The following PHACTR3 variants were observed in gnomAD, a reference collection of about 807,000 sequenced individuals.
The protein encoded by PHACTR3 is phosphatase and actin regulator 3, also known as protein phosphatase 1, regulatory subunit 123.
A neutral mutation model predicts 66.8 loss-of-function variants in PHACTR3; 16 were observed. The ratio of observed to expected loss-of-function variants is 0.24; its 90% CI spans 0.16 to 0.36. PHACTR3 has a LOEUF of 0.36. PHACTR3 is among the 10% of genes least tolerant of loss of function. The probability of loss-of-function intolerance (pLI) is 1.00; values close to 1 mark genes in which losing one functional copy is unlikely to be tolerated. For missense variants in PHACTR3, 647 were observed against 719.9 expected, an observed-to-expected ratio of 0.90 and a Z score of 1.16; for synonymous variants, 323 against 292.1, an observed-to-expected ratio of 1.11 and a Z score of -1.08.
intron 1 of PHACTR3, among the ~76,000 whole-genome samples, chr20:59,664,056 AT>A (rs1487712898): frequency 2.0e-5 from 3 of 152,184 alleles, no homozygotes; most frequent in Non-Finnish European, 4.4e-5. Context: ...CTAAACACTT[AT>A]GAGAGAAAAG....
At chr20:59,703,156 A>G (rs1445212118) in intron 1 of PHACTR3, among the ~76,000 whole-genome samples, 1 of 152,188 alleles carries the variant, frequency 6.6e-6, no homozygotes, top group African/African-American at 2.4e-5. Flanking sequence ...ATTTGCCGAC[A>G]TAATTCCCAT....
intron 1 of PHACTR3, among the ~76,000 whole-genome samples, chr20:59,662,721 G>A (rs1293971609): frequency 6.6e-6 from 1 of 152,112 alleles, no homozygotes; most frequent in South Asian, 2.1e-4. Context: ...TACAGGGCAC[G>A]GTGGCCGTTT....
intron 1 of PHACTR3, among the ~76,000 whole-genome samples, chr20:59,660,293 G>A (rs1247394927): frequency 6.6e-6 from 1 of 152,230 alleles, no homozygotes; most frequent in East Asian, 1.9e-4. Context: ...AGAAGATCGA[G>A]ATCATCCTGG....
At chr20:59,652,539 CAG>C (rs1186216850) in intron 1 of PHACTR3, among the ~76,000 whole-genome samples, 1 of 152,160 alleles carries the variant, frequency 6.6e-6, no homozygotes, top group Non-Finnish European at 1.5e-5. Context: ...GCCTGGGCAA[CAG>C]AGTGAGACCT....
chr20:59,808,428 G>A (rs1447310308), intron 8 of PHACTR3, among the ~76,000 whole-genome samples: 4 of 152,204 alleles, frequency 2.6e-5, no homozygotes, highest in East Asian at 3.9e-4. Context: ...CAGGTGCACC[G>A]TCCCAGGAGC....
At chr20:59,579,529 G>A (rs954837796) in intron 1 of PHACTR3, among the ~76,000 whole-genome samples, 3 of 152,358 alleles carry the variant, frequency 2.0e-5, no homozygotes, top group Non-Finnish European at 4.4e-5. Context: ...GGGACTGGAG[G>A]GAGCTGAGTT....
intron 9 of PHACTR3, among the ~76,000 whole-genome samples, chr20:59,838,170 T>A (rs1045363353): frequency 6.6e-6 from 1 of 152,216 alleles, no homozygotes; most frequent in African/African-American, 2.4e-5. Flanking sequence ...TCTAGTGTCC[T>A]GAGTGGAAGG....
chr20:59,684,906 G>A (rs997213934), intron 1 of PHACTR3, among the ~76,000 whole-genome samples: 20 of 152,156 alleles, frequency 1.3e-4, no homozygotes, highest in African/African-American at 4.8e-4. Context: ...ATGTCCCACG[G>A]CTCAGCATGT....
intron 1 of PHACTR3, among the ~76,000 whole-genome samples, chr20:59,608,804 G>T (rs6123918): frequency 0.1 from 15,437 of 152,166 alleles, 1,036 homozygotes; most frequent in East Asian, 0.32. Flanking sequence ...CCCACCCCAG[G>T]GAACTCTGAT....
intron 1 of PHACTR3, among the ~76,000 whole-genome samples, chr20:59,669,239 T>C (rs2036107123): frequency 6.6e-6 from 1 of 151,874 alleles, no homozygotes; most frequent in African/African-American, 2.4e-5. Context: ...CGGTGTGGAG[T>C]AGGGAGGGTT....
At chr20:59,832,879 G>C (rs1464918608) in intron 8 of PHACTR3, among the ~76,000 whole-genome samples, 1 of 152,208 alleles carries the variant, frequency 6.6e-6, no homozygotes, top group African/African-American at 2.4e-5. Flanking sequence ...GCAGATTAGA[G>C]CCTAGTCTGA....
intron 12 of PHACTR3, among the ~76,000 whole-genome samples, chr20:59,846,665 TAAAG>T (rs1288904244): frequency 4.9e-4 from 74 of 152,262 alleles, no homozygotes; most frequent in African/African-American, 1.5e-3. Flanking sequence ...AAATGTGGTA[TAAAG>T]ACCCTAAAAT....
intron 5 of PHACTR3, among the ~76,000 whole-genome samples, chr20:59,770,969 G>A (rs895998637): frequency 1.3e-5 from 2 of 152,224 alleles, no homozygotes; most frequent in African/African-American, 4.8e-5. Context: ...CTGGCAGCCT[G>A]CCCCTGAGGT....
Position 59,688,908 on chromosome 20 carries a change from G to A in PHACTR3, c.119-54199G>A, listed in dbSNP as rs531676282. Among the ~76,000 whole-genome samples, 9 of 152,152 alleles carry A rather than the reference G, an allele frequency of 5.9e-5. 1 individual carries two copies. In the South Asian group the frequency reaches 1.9e-3, roughly 32 times the overall value. ...AGCTTTGTTCTCGTGGGCTTGGGCT[G>A]GGCAACGCTGTGGTTGTTGGGAACG... On this transcript the variant is annotated intron_variant, in intron 1 of 12. Coordinates refer to ENST00000371015, the MANE Select transcript of PHACTR3 (RefSeq NM_080672.5).
At chr20:59,608,705 T>C (rs1349146696) in intron 1 of PHACTR3, among the ~76,000 whole-genome samples, 1 of 152,230 alleles carries the variant, frequency 6.6e-6, no homozygotes, top group Non-Finnish European at 1.5e-5. Flanking sequence ...CCTGGCTCCA[T>C]GCCTCTCCAG....
At chr20:59,845,028 A>C (rs1164158125) in intron 11 of PHACTR3, 161 bp from the exon 12 acceptor site, 1 of 531,078 alleles carries the variant, frequency 1.9e-6, no homozygotes, top group Non-Finnish European at 3.5e-6. Flanking sequence ...TATAATAATG[A>C]GTATGGCAGT....
intron 1 of PHACTR3, among the ~76,000 whole-genome samples, chr20:59,605,397 G>T (rs2033623608): frequency 6.6e-6 from 1 of 152,304 alleles, no homozygotes; most frequent in East Asian, 1.9e-4. Context: ...CCGTCCCCTC[G>T]AAGGAGGCTT....
Position 59,841,371 on chromosome 20 carries a change from AACT to A in PHACTR3, c.1447-22_1447-20del, listed in dbSNP as rs768782685. 7.1e-5 allele frequency: 113 copies of A among 1,601,262 alleles called. 1 individual carries two copies. Among genetic ancestry groups the A allele is most frequent in the Middle Eastern group, 5.1e-4 (3 of 5,828 alleles). On this transcript the variant is annotated intron_variant, in intron 10 of 12. Coordinates refer to ENST00000371015, the MANE Select transcript of PHACTR3 (RefSeq NM_080672.5). The stretch of plus-strand genomic sequence containing the variant: ...AAAGCTAGTTTGGCATGTGATACTT[AACT>A]ATGATGATCTTTAATTTTAGCTTAA...
In PHACTR3 at chr20:59,738,956, A is replaced by G. The variant is rs2039051005; in HGVS notation, c.119-4151A>G. Among the ~76,000 whole-genome samples the G allele has an allele frequency of 6.6e-6, 1 of 152,072 alleles. No individual in the cohort carries two copies. The highest frequency in any genetic ancestry group is 1.5e-5 in the Non-Finnish European group (1 of 67,992). On this transcript the variant is annotated intron_variant, in intron 1 of 12. Coordinates refer to ENST00000371015, the MANE Select transcript of PHACTR3 (RefSeq NM_080672.5). The surrounding 1 kb of genome is among the most constrained non-coding windows in gnomAD (Gnocchi z 4.4). ...GGCTTTCCCAGGGCCATGTGGAGTC[A>G]CAGTCTTGCTCCCATCTGGTGTCTG...
Sources: allele counts gnomAD v4.1 joint callset (sites outside exome capture counted in the v4.1 genomes callset), GRCh38; gene constraint gnomAD v4.1.1; non-coding constraint Gnocchi (gnomAD v3.1); transcripts MANE v1.5; gene names NCBI Gene and HGNC (gene_info 2026-07-23, HGNC 2026-07-21).